The following ALDH3B1 variants were observed in gnomAD, a reference collection of about 807,000 sequenced individuals.
The protein encoded by ALDH3B1 is aldehyde dehydrogenase family 3 member B1.
In ALDH3B1, 37 loss-of-function variants were observed where a neutral mutation model predicts 46.2. The observed-to-expected ratio is 0.80, with a 90% confidence interval of 0.62 to 1.05. The LOEUF is 1.05. Ranked by LOEUF, ALDH3B1 falls within the 50% of genes least tolerant of loss-of-function variation. The pLI is 0.00. For synonymous variants in ALDH3B1, 283 were observed against 281.0 expected (o/e 1.01, Z -0.07); for missense variants, 603 against 665.5 (o/e 0.91, Z 1.03).
At chr11:68,026,805 C>G (rs916685541) in intron 9 of ALDH3B1, among the ~76,000 whole-genome samples, 2 of 152,218 alleles carry the variant, frequency 1.3e-5, no homozygotes, top group African/African-American at 2.4e-5. Context: ...GCCAGGCAAG[C>G]TGCCTCAGGT....
chr11:68,021,711 C>T lies in ALDH3B1; in HGVS notation c.789C>T (p.Ala263=), dbSNP rs772165748. 2 of 1,614,140 alleles carry T rather than the reference C, an allele frequency of 1.2e-6. No homozygotes were observed. Among genetic ancestry groups the T allele is most frequent in the Non-Finnish European group, 1.7e-6 (2 of 1,179,998 alleles). The change falls in exon 7 of 10, where the codon GCC becomes GCT. Residue 263 remains alanine, a synonymous_variant. Transcript: ENST00000342456. ...SPEMQERLLP[A]LQSTITRFYG... is the part of the protein sequence containing the mutation. ...AGATGCAGGAGAGGCTGCTGCCTGCCCTGCAGAGCACCATCACCCGTTTCT... is the reference window on the plus strand; with the variant it reads ...AGATGCAGGAGAGGCTGCTGCCTGCTCTGCAGAGCACCATCACCCGTTTCT...
upstream of ALDH3B1, among the ~76,000 whole-genome samples, chr11:68,009,791 T>A (rs1291060391): frequency 6.6e-6 from 1 of 152,136 alleles, no homozygotes; most frequent in East Asian, 1.9e-4. Flanking sequence ...TTTTTCTAAC[T>A]TTTTGCCTTC....
rs1264201124 is a variant in ALDH3B1, at chr11:68,028,686, A to C, written c.*747A>C. On this transcript the variant is annotated 3_prime_UTR_variant, in exon 10 of 10. Coordinates refer to ENST00000342456, the MANE Select transcript of ALDH3B1 (RefSeq NM_000694.4). ...AAGGAGGCTCTGCCTTAAAAAAAAA[A>C]AAAAAAAAAACCTCCTGGGACTGTT... 6.6e-6 allele frequency: 1 copy of C among 152,200 alleles called. No individual in the cohort carries two copies. Among genetic ancestry groups the C allele is most frequent in the Non-Finnish European group, 1.5e-5 (1 of 68,212 alleles). The allele number at this position is 152,200 out of a possible 1,614,324, so 9.4% of individuals were successfully genotyped here. A position where few individuals can be genotyped will look rare whatever the true frequency, so the allele number is the denominator to read the frequency against.
rs975701184 is a variant in ALDH3B1, at chr11:68,015,367, G to C, written c.70G>C (p.Glu24Gln). 6.5e-6 allele frequency: 10 copies of C among 1,548,350 alleles called. No individual in the cohort carries two copies. Among genetic ancestry groups the C allele is most frequent in the East Asian group, 2.4e-5 (1 of 41,092 alleles). ...AFHAGRTRPA[E>Q]FRAAQLQGLG... ...CCACGCGGGGCGCACGCGGCCAGCT[G>C]AGTTCCGGGCTGCGCAGCTCCAAGG... The change falls in exon 2 of 10, where the codon GAG (glutamate) becomes CAG (glutamine). Residue 24 changes from glutamate to glutamine, a missense_variant. Glu to Gln is a conservative substitution (Grantham distance 29). Coordinates refer to ENST00000342456, the MANE Select transcript of ALDH3B1 (RefSeq NM_000694.4).
rs1359197748 is a variant in ALDH3B1 at position 68,015,287 on chromosome 11, C to T, written c.-1-10C>T. 3.4e-6 allele frequency: 5 copies of T among 1,468,474 alleles called. No homozygotes were observed. Among genetic ancestry groups the T allele is most frequent in the Non-Finnish European group, 4.5e-6 (5 of 1,104,986 alleles). The allele number at this position is 1,468,474 out of a possible 1,614,324, so 91.0% of individuals were successfully genotyped here. On this transcript the variant is annotated splice_polypyrimidine_tract_variant and intron_variant, in intron 1 of 9. Transcript: ENST00000342456. Reference sequence around the variant, plus strand: ...CCTGGCCACCCAGTTCATGCCACCCCATCTGGCAGGATGGACCCCCTTGGG... The same window carrying T: ...CCTGGCCACCCAGTTCATGCCACCCTATCTGGCAGGATGGACCCCCTTGGG...
intron 8 of ALDH3B1, among the ~76,000 whole-genome samples, chr11:68,023,155 C>T (rs1216793361): frequency 6.6e-6 from 1 of 152,214 alleles, no homozygotes; most frequent in Non-Finnish European, 1.5e-5. Context: ...AGCCCTGATC[C>T]CCTACCCCTG....
chr11:68,015,215 GC>G (rs1857319202), intron 1 of ALDH3B1, 81 bp from the exon 2 acceptor site: 2 of 1,396,696 alleles, frequency 1.4e-6, no homozygotes, highest in Non-Finnish European at 1.9e-6. Context: ...GGTCAGGGGT[GC>G]CCAGACCCTG....
chr11:68,022,645 G>T lies in ALDH3B1; in HGVS notation c.1000G>T (p.Glu334Ter), dbSNP rs1590780679. Reference protein sequence around the residue: ...VQEMEPVMQEEIFGPILPIVN... With the variant: ...VQEMEPVMQE ...GGAGATGGAGCCTGTGATGCAGGAG[G>T]AGATCTTCGGGCCCATCCTGCCCAT... Residue 334 changes from glutamate to a stop codon, truncating the protein, a stop_gained, in exon 8 of 10, where the codon GAG becomes TAG. Coordinates refer to ENST00000342456, the MANE Select transcript of ALDH3B1 (RefSeq NM_000694.4). LOFTEE classifies it high-confidence loss of function. The T allele has an allele frequency of 6.2e-7, 1 of 1,614,102 alleles. No homozygotes were observed. Among genetic ancestry groups the T allele is most frequent in the East Asian group, 2.2e-5 (1 of 44,886 alleles).
Position 68,021,498 on chromosome 11 carries a change from G to C in ALDH3B1, c.576G>C (p.Val192=), listed in dbSNP as rs184079368. The C allele has an allele frequency of 3.1e-6, 5 of 1,612,008 alleles. No homozygotes were observed. The highest frequency in any genetic ancestry group is 4.2e-6 in the Non-Finnish European group (5 of 1,178,706). Residue 192 remains valine, a synonymous_variant, in exon 7 of 10, where the codon GTG becomes GTC. Coordinates refer to ENST00000342456, the MANE Select transcript of ALDH3B1 (RefSeq NM_000694.4). Reference sequence around the variant, plus strand: ...TTCCATGCCCAGGGAGCCCTCGTGTGGGCAAGATTGTTATGACTGCTGCCG... The same window carrying C: ...TTCCATGCCCAGGGAGCCCTCGTGTCGGCAAGATTGTTATGACTGCTGCCG... ...DYIFFTGSPR[V]GKIVMTAAAK... is the part of the protein sequence containing the mutation.
rs748360551 is a variant in ALDH3B1, at chr11:68,027,766, C to T, written c.1234C>T (p.Arg412Trp). The T allele has an allele frequency of 1.9e-5, 30 of 1,557,650 alleles. No homozygotes were observed. The highest frequency in any genetic ancestry group is 4.1e-5 in the African/African-American group (3 of 73,940). ...FGGVGASGMG[R>W]YHGKFSFDTF... ...CTGTACAGGTGCCAGTGGGATGGGC[C>T]GGTACCATGGCAAGTTCTCCTTCGA... The change falls in exon 10 of 10, where the codon CGG becomes TGG. Residue 412 changes from arginine to tryptophan, a missense_variant. Physicochemically the swap from Arg to Trp is moderately radical, Grantham distance 101 (BLOSUM62 -3). Transcript: ENST00000342456.
intron 1 of ALDH3B1, among the ~76,000 whole-genome samples, chr11:68,014,107 C>A (rs1857289121): frequency 1.3e-5 from 2 of 152,332 alleles, no homozygotes; most frequent in South Asian, 4.1e-4. Flanking sequence ...CATTAGCTGG[C>A]AGGTGCCATC....
chr11:68,013,515 A>C lies in ALDH3B1; in HGVS notation c.-1-1782A>C, dbSNP rs529243512. Among the ~76,000 whole-genome samples, 45 of 152,300 alleles carry C rather than the reference A, an allele frequency of 3.0e-4. No homozygotes were observed. The South Asian group carries it at 8.9e-3, about 30-fold the overall frequency. On this transcript the variant is annotated intron_variant, in intron 1 of 9. Transcript: ENST00000342456. ...TGGAGAAGGACCCAGGAGAGTGCGG[A>C]GTTGAGGGAGATAAATATTTGCAGG...
intron 2 of ALDH3B1, chr11:68,015,675 C>T (rs1481459082): frequency 1.4e-6 from 1 of 717,858 alleles, no homozygotes; most frequent in Non-Finnish European, 2.5e-6. Context: ...GTGCCAGGTA[C>T]TGTTCTAGGC....
chr11:68,015,229 G>A (rs1857319631), intron 1 of ALDH3B1, 68 bp from the exon 2 acceptor site: 9 of 1,437,516 alleles, frequency 6.3e-6, no homozygotes, highest in Non-Finnish European at 8.2e-6. Context: ...AGACCCTGGG[G>A]CGGCTGGGTG....
chr11:68,026,546 C>T (rs1489106128), intron 9 of ALDH3B1, among the ~76,000 whole-genome samples: 2 of 152,042 alleles, frequency 1.3e-5, no homozygotes, highest in African/African-American at 4.8e-5. Flanking sequence ...CAACACCTCC[C>T]CACCCTGAGA....
chr11:68,011,005 TG>T (rs1857217854), intron 1 of ALDH3B1, among the ~76,000 whole-genome samples: 1 of 152,152 alleles, frequency 6.6e-6, no homozygotes, highest in South Asian at 2.1e-4. Context: ...GGGGCTGGGT[TG>T]GCCCGAGCCA....
chr11:68,026,421 T>G (rs1857624665), intron 9 of ALDH3B1, among the ~76,000 whole-genome samples: 1 of 152,174 alleles, frequency 6.6e-6, no homozygotes, highest in South Asian at 2.1e-4. Context: ...CGATGCTATT[T>G]GCTCTTCTCC....
At chr11:68,024,210 G>T (rs1857572000) in intron 8 of ALDH3B1, 1 of 152,258 alleles carries the variant, frequency 6.6e-6, no homozygotes, top group Non-Finnish European at 1.5e-5. Context: ...GGTTTTAGGA[G>T]AGAATCCCAC....
chr11:68,010,905 G>A (rs892510273), intron 1 of ALDH3B1, among the ~76,000 whole-genome samples: 25 of 152,190 alleles, frequency 1.6e-4, no homozygotes, highest in Non-Finnish European at 3.5e-4. Context: ...GGAGTGGCCA[G>A]CCAGCCCCGC....
Sources: allele counts gnomAD v4.1 joint callset (sites outside exome capture counted in the v4.1 genomes callset), GRCh38; gene constraint gnomAD v4.1.1; transcripts MANE v1.5; gene names NCBI Gene and HGNC (gene_info 2026-07-23, HGNC 2026-07-21).